CUX1: variants seen among roughly 807,000 people sequenced by gnomAD.
The protein encoded by CUX1 is protein CASP.
In CUX1, 31 loss-of-function variants were observed where a neutral mutation model predicts 158.8. The observed-to-expected ratio is 0.20, with a 90% CI of 0.15 to 0.26. The LOEUF (loss-of-function observed/expected upper bound fraction) is 0.26, where lower values mean the gene tolerates loss of function less well. CUX1 is among the 10% of genes least tolerant of loss of function. The pLI, the probability that CUX1 is intolerant of heterozygous loss-of-function variation, is 1.00. For missense variants in CUX1, 1,589 were observed against 2,014.6 expected (o/e 0.79, Z 4.04); for synonymous variants, 879 against 862.1 (o/e 1.02, Z -0.34).
At chr7:102,268,860 C>A (rs1428863209) in intron 14 of CUX1, among the ~76,000 whole-genome samples, 1 of 151,908 alleles carries the variant, frequency 6.6e-6, no homozygotes, top group African/African-American at 2.4e-5. Flanking sequence ...ATCTCAGAGA[C>A]AGCACCGCGC....
chr7:101,883,861 G>T (rs182254597), intron 1 of CUX1, among the ~76,000 whole-genome samples: 131 of 152,234 alleles, frequency 8.6e-4, no homozygotes, highest in African/African-American at 3.0e-3. Flanking sequence ...CTCCCAAAGT[G>T]CTGGGATTAC....
At chr7:102,199,544 TAAA>T (rs1795174603) in intron 16 of CUX1, among the ~76,000 whole-genome samples, 1 of 152,260 alleles carries the variant, frequency 6.6e-6, no homozygotes, top group African/African-American at 2.4e-5. Context: ...ATGTAAATTT[TAAA>T]AAGATATTAT....
chr7:102,174,046 TAGA>T (rs1792025423), intron 10 of CUX1, among the ~76,000 whole-genome samples: 1 of 152,290 alleles, frequency 6.6e-6, no homozygotes, highest in African/African-American at 2.4e-5. Flanking sequence ...TCTCCGATTC[TAGA>T]AGGTGAGCGG....
chr7:102,275,560 G>T (rs1791545262), intron 17 of CUX1, among the ~76,000 whole-genome samples: 1 of 152,170 alleles, frequency 6.6e-6, no homozygotes. Context: ...CACAGTAGAG[G>T]AGACACGGGG....
intron 10 of CUX1, among the ~76,000 whole-genome samples, chr7:102,174,231 G>A (rs949555914): frequency 5.3e-5 from 8 of 152,134 alleles, no homozygotes; most frequent in Admixed American, 3.9e-4. Context: ...CAATTCTCCT[G>A]TCTCAGCCTT....
At chr7:102,012,869 TA>T (rs1441151089) in intron 2 of CUX1, among the ~76,000 whole-genome samples, 2 of 152,100 alleles carry the variant, frequency 1.3e-5, no homozygotes, top group African/African-American at 4.8e-5. Context: ...ATCCTGAAAA[TA>T]TTTTCAGTAT....
chr7:102,193,477 G>A (rs1384517745), intron 12 of CUX1, among the ~76,000 whole-genome samples: 1 of 152,214 alleles, frequency 6.6e-6, no homozygotes, highest in Non-Finnish European at 1.5e-5. Flanking sequence ...AAATTGTAAT[G>A]TTAATGCTTA....
intron 2 of CUX1, among the ~76,000 whole-genome samples, chr7:102,006,906 T>A (rs1188149408): frequency 1.3e-5 from 2 of 152,256 alleles, no homozygotes; most frequent in African/African-American, 4.8e-5. Flanking sequence ...CAGGCCGGGA[T>A]GCAGCGGAAA....
At chr7:102,103,752 T>G (rs1335234906) in intron 5 of CUX1, among the ~76,000 whole-genome samples, 1 of 151,906 alleles carries the variant, frequency 6.6e-6, no homozygotes, top group Non-Finnish European at 1.5e-5. Context: ...TTTCATCTTT[T>G]TTTTTTTTTA....
chr7:101,953,263 TCTCC>T (rs1263515203), intron 2 of CUX1, among the ~76,000 whole-genome samples: 4 of 152,202 alleles, frequency 2.6e-5, no homozygotes, highest in African/African-American at 9.7e-5. Context: ...TTCTCTTCAT[TCTCC>T]CTCCCTTTCA....
At chr7:102,173,855 C>T (rs1334970243) in intron 10 of CUX1, among the ~76,000 whole-genome samples, 2 of 152,116 alleles carry the variant, frequency 1.3e-5, no homozygotes, top group Admixed American at 6.5e-5. Flanking sequence ...GGGCTCCCCG[C>T]GGGCGTGTAT....
At chr7:101,904,117 A>AACACACACACACACACACACAC (rs10622369) in intron 1 of CUX1, among the ~76,000 whole-genome samples, 4 of 143,768 alleles carry the variant, frequency 2.8e-5, no homozygotes, top group Non-Finnish European at 6.1e-5. Flanking sequence ...GTCTTTACAA[A>AACACACACACACACACACACAC]ACACACACAC....
At chr7:102,216,604 A>ACACCCT (rs1554524720) in intron 20 of CUX1, among the ~76,000 whole-genome samples, 1 of 64,894 alleles carries the variant, frequency 1.5e-5, no homozygotes. Context: ...ACTCCCACAC[A>ACACCCT]CACACACACA....
chr7:101,999,836 G>T (rs1391123051), intron 2 of CUX1, among the ~76,000 whole-genome samples: 1 of 152,174 alleles, frequency 6.6e-6, no homozygotes, highest in East Asian at 1.9e-4. Context: ...GGAAGAAAAT[G>T]AAATCCTTTG....
chr7:102,193,729 TG>T, intron 12 of CUX1, 112 bp from the exon 13 acceptor site: 2 of 1,051,630 alleles, frequency 1.9e-6, no homozygotes, highest in Non-Finnish European at 1.4e-6. Context: ...CGCTTGAACC[TG>T]GGCAGAGGTT....
intron 2 of CUX1, among the ~76,000 whole-genome samples, chr7:102,022,265 C>T (rs1819466226): frequency 6.6e-6 from 1 of 152,166 alleles, no homozygotes; most frequent in African/African-American, 2.4e-5. Context: ...TCCTTAATAG[C>T]ATTTTGCTGT....
intron 3 of CUX1, among the ~76,000 whole-genome samples, chr7:102,047,672 G>C (rs1458912037): frequency 6.6e-6 from 1 of 152,134 alleles, no homozygotes; most frequent in Non-Finnish European, 1.5e-5. Context: ...TCGTCTCCTG[G>C]AGTAAAATCA....
chr7:101,969,359 C>CAAAAAAAAAAAAAAAAAAAAAAAAA (rs10711703), intron 2 of CUX1, among the ~76,000 whole-genome samples: 7 of 56,106 alleles, frequency 1.2e-4, no homozygotes, highest in Admixed American at 2.1e-4. Context: ...CAAAAAACAG[C>CAAAAAAAAAAAAAAAAAAAAAAAAA]AAAAAAAAAA....
At chr7:101,882,061 G>C (rs1386163635) in intron 1 of CUX1, among the ~76,000 whole-genome samples, 1 of 151,708 alleles carries the variant, frequency 6.6e-6, no homozygotes, top group Non-Finnish European at 1.5e-5. Flanking sequence ...GTGCACGCCT[G>C]TAGTCCCATC....
Sources: gnomAD v4.1 joint callset for allele counts (sites outside exome capture counted in the v4.1 genomes callset) on GRCh38, gnomAD v4.1.1 for gene constraint, MANE v1.5 for transcripts, NCBI Gene and HGNC (gene_info 2026-07-23, HGNC 2026-07-21) for gene names.